The following PEPD variants were observed in gnomAD, a reference collection of about 807,000 sequenced individuals.
PEPD encodes the protein xaa-Pro dipeptidase.
PEPD carries 53 observed loss-of-function variants against 60.7 expected under a neutral mutation model. The ratio of observed to expected loss-of-function variants is 0.87; its 90% CI spans 0.70 to 1.10. PEPD has a LOEUF of 1.10. Ranked by LOEUF, PEPD falls within the 50% of genes least tolerant of loss-of-function variation. PEPD has a pLI of 0.00. For missense variants in PEPD, 711 were observed against 711.9 expected (o/e 1.00, Z 0.01); for synonymous variants, 267 against 284.1 (o/e 0.94, Z 0.60).
At chr19:33,449,165 T>C (rs1022345598) in intron 9 of PEPD, among the ~76,000 whole-genome samples, 12 of 152,228 alleles carry the variant, frequency 7.9e-5, no homozygotes, top group Non-Finnish European at 1.8e-4. Context: ...ACATCTTCCA[T>C]GTCCACCGAG....
At chr19:33,426,657 G>T (rs1969156831) in intron 9 of PEPD, among the ~76,000 whole-genome samples, 1 of 152,256 alleles carries the variant, frequency 6.6e-6, no homozygotes, top group Admixed American at 6.5e-5. Flanking sequence ...CACCCGGGAG[G>T]CAGCGCCAAG....
intron 9 of PEPD, among the ~76,000 whole-genome samples, chr19:33,444,646 G>A (rs1969557573): frequency 1.3e-5 from 2 of 148,950 alleles, no homozygotes. Flanking sequence ...CTGCCCCCAT[G>A]GTAGCCTCCT....
intron 2 of PEPD, chr19:33,511,405 T>A: frequency 2.1e-6 from 1 of 478,620 alleles, no homozygotes. Flanking sequence ...GGCATGTGCC[T>A]GAGTCCACCT....
intron 9 of PEPD, among the ~76,000 whole-genome samples, chr19:33,461,265 A>C (rs1412912190): frequency 1.3e-5 from 2 of 152,064 alleles, no homozygotes; most frequent in African/African-American, 2.4e-5. Flanking sequence ...TTTGGGGTTC[A>C]TTATACTTTT....
intron 12 of PEPD, among the ~76,000 whole-genome samples, chr19:33,399,654 C>G (rs531705636): frequency 6.6e-6 from 1 of 152,192 alleles, no homozygotes; most frequent in African/African-American, 2.4e-5. Context: ...ACACTTGGGC[C>G]GGCGATCGAG....
At chr19:33,407,885 T>C (rs1048351022) in intron 11 of PEPD, among the ~76,000 whole-genome samples, 1 of 152,124 alleles carries the variant, frequency 6.6e-6, no homozygotes, top group Admixed American at 6.5e-5. Context: ...CCTGCGTGCA[T>C]GCGAGTGGGT....
rs1408067649 is a variant in PEPD at position 33,387,088 on chromosome 19, A to G, written c.*256T>C. The G allele has an allele frequency of 7.3e-6, 4 of 544,934 alleles. No homozygotes were observed. Among genetic ancestry groups the G allele is most frequent in the African/African-American group, 5.6e-5 (3 of 53,188 alleles). The allele number at this position is 544,934 out of a possible 1,614,324, so 33.8% of individuals were successfully genotyped here. On this transcript the variant is annotated 3_prime_UTR_variant, in exon 15 of 15. Transcript: ENST00000244137. ...ATTTTAGTTGCTACTAAAGAACAGC[A>G]TTATTTTCAATCATTTTAAGTCGCT... is the stretch of plus-strand genomic sequence containing the variant.
At chr19:33,502,592 C>T (rs765948660) in intron 3 of PEPD, among the ~76,000 whole-genome samples, 6 of 151,980 alleles carry the variant, frequency 3.9e-5, no homozygotes, top group South Asian at 2.1e-4. Flanking sequence ...TGCAAAGAAA[C>T]GCAACTTTGT....
intron 11 of PEPD, among the ~76,000 whole-genome samples, chr19:33,407,686 G>C (rs560861758): frequency 5.9e-5 from 9 of 152,232 alleles, no homozygotes; most frequent in African/African-American, 2.2e-4. Context: ...AAAAAGCAGC[G>C]AATGGCCCCT....
At chr19:33,507,740 G>A (rs904789005) in intron 3 of PEPD, among the ~76,000 whole-genome samples, 2 of 152,072 alleles carry the variant, frequency 1.3e-5, no homozygotes, top group Non-Finnish European at 2.9e-5. Flanking sequence ...GCAGCCATAC[G>A]CAATCAGATC....
intron 9 of PEPD, among the ~76,000 whole-genome samples, chr19:33,419,199 A>G (rs539772883): frequency 6.6e-6 from 1 of 152,166 alleles, no homozygotes; most frequent in African/African-American, 2.4e-5. Flanking sequence ...GACCATCTCC[A>G]TGTGGGCAAG....
Position 33,388,073 on chromosome 19 carries a change from C to T in PEPD, c.1161G>A (p.Glu387=), listed in dbSNP as rs1324043856. 6.5e-7 allele frequency: 1 copy of T among 1,548,110 alleles called. No individual in the cohort carries two copies. Among genetic ancestry groups the T allele is most frequent in the African/African-American group, 1.4e-5 (1 of 73,306 alleles). The change falls in exon 14 of 15, where the codon GAG becomes GAA. Residue 387 remains glutamate, a synonymous_variant. Coordinates refer to ENST00000244137, the MANE Select transcript of PEPD (RefSeq NM_000285.4). The stretch of plus-strand genomic sequence containing the variant: ...TCCGCAGGCCGGGCTCGTCGATGCG[C>T]TCCACGCCCTGTGGGGAACAGAGGT... The part of the protein sequence containing the change: ...HDVGGYPEGV[E]RIDEPGLRSL...
At chr19:33,400,322 G>A (rs944126586) in intron 12 of PEPD, among the ~76,000 whole-genome samples, 1 of 152,234 alleles carries the variant, frequency 6.6e-6, no homozygotes, top group African/African-American at 2.4e-5. Context: ...CTGGCCAGAC[G>A]ATCCAGCTGT....
rs369357394 is a variant in PEPD, at chr19:33,478,037, C to T, written c.548+9G>A. 8.1e-6 allele frequency: 13 copies of T among 1,599,252 alleles called. No homozygotes were observed. The highest frequency in any genetic ancestry group is 1.7e-4 in the Middle Eastern group (1 of 6,046). On this transcript the variant is annotated intron_variant, in intron 7 of 14. Coordinates refer to ENST00000244137, the MANE Select transcript of PEPD (RefSeq NM_000285.4). ...ACAAACAGGCAAGGTGACCACAGGC[C>T]GTACTCACCACTCAACGATCTCTGG...
chr19:33,464,857 G>A lies in PEPD; in HGVS notation c.549-795C>T, dbSNP rs369713685. On this transcript the variant is annotated intron_variant, in intron 7 of 14. Coordinates refer to ENST00000244137, the MANE Select transcript of PEPD (RefSeq NM_000285.4). ...CACCCGCGAGTAAGACCCACAGAGAGGAGCCAAATAAGTATTCGTTTTCTA... is the reference window on the plus strand; with the variant it reads ...CACCCGCGAGTAAGACCCACAGAGAAGAGCCAAATAAGTATTCGTTTTCTA... Among the ~76,000 whole-genome samples, 27 of 152,174 alleles carry A rather than the reference G, an allele frequency of 1.8e-4. No homozygotes were observed. In the East Asian group the frequency reaches 3.3e-3, roughly 19 times the overall value.
chr19:33,398,508 C>T (rs181989660), intron 12 of PEPD, among the ~76,000 whole-genome samples: 9 of 152,316 alleles, frequency 5.9e-5, no homozygotes, highest in African/African-American at 1.2e-4. Context: ...CTGTGCCCGG[C>T]GGAGGGCTCT....
rs557907826 is a variant in PEPD at position 33,512,915 on chromosome 19, A to C, written c.18-139T>G. The C allele has an allele frequency of 1.7e-4, 149 of 880,980 alleles. No individual in the cohort carries two copies. The African/African-American group carries it at 2.1e-3, about 13-fold the overall frequency. The allele number at this position is 880,980 out of a possible 1,614,324, so 54.6% of individuals were successfully genotyped here. On this transcript the variant is annotated intron_variant, in intron 1 of 14. Transcript: ENST00000244137. ...GCACGGGGCAAGCTGCCCAAGCTCC[A>C]CCTACTTATGACCCAGAAACAGCCC...
chr19:33,415,843 C>T (rs1460054748), intron 9 of PEPD, among the ~76,000 whole-genome samples: 1 of 152,198 alleles, frequency 6.6e-6, no homozygotes, highest in Non-Finnish European at 1.5e-5. Context: ...TGGATATTCA[C>T]GCCCGCCTAA....
chr19:33,510,934 C>T, intron 3 of PEPD, 94 bp downstream of exon 3: 1 of 1,343,252 alleles, frequency 7.4e-7, no homozygotes, highest in Non-Finnish European at 1.0e-6. Context: ...TCCTCCCCGT[C>T]CCCAGGCCCA....
Sources: allele counts gnomAD v4.1 joint callset (sites outside exome capture counted in the v4.1 genomes callset), GRCh38; gene constraint gnomAD v4.1.1; transcripts MANE v1.5; gene names NCBI Gene and HGNC (gene_info 2026-07-23, HGNC 2026-07-21).